The following CEP162 variants were observed in gnomAD, a reference collection of about 807,000 sequenced individuals.
The protein encoded by CEP162 is centrosomal protein of 162 kDa.
In CEP162, 141 loss-of-function variants were observed where a neutral mutation model predicts 169.2. That is an observed-to-expected ratio of 0.83 (90% CI 0.73 to 0.96). CEP162 has a LOEUF of 0.96. CEP162 is among the 40% of genes least tolerant of loss of function. The pLI, the probability that CEP162 is intolerant of heterozygous loss-of-function variation, is 0.00. For synonymous variants in CEP162, 540 were observed against 526.4 expected, an observed-to-expected ratio of 1.03 and a Z score of -0.35; for missense variants, 1,600 against 1,587.2, an observed-to-expected ratio of 1.01 and a Z score of -0.14.
chr6:84,142,310 C>T (rs1327940082), intron 25 of CEP162, among the ~76,000 whole-genome samples: 6 of 152,150 alleles, frequency 3.9e-5, no homozygotes, highest in Non-Finnish European at 7.4e-5. Flanking sequence ...TACAAATTAG[C>T]GAGTTTTATA....
In CEP162 at chr6:84,134,915, T is replaced by C. The variant is rs911331680; in HGVS notation, c.3871-8403A>G. Among the ~76,000 whole-genome samples, 4 of 73,992 alleles carry C rather than the reference T, an allele frequency of 5.4e-5. No individual in the cohort carries two copies. In the East Asian group the frequency reaches 1.9e-3, roughly 35 times the overall value. The allele number at this position is 73,992 out of a possible 152,430, so 48.5% of individuals were successfully genotyped here. A position where few individuals can be genotyped will look rare whatever the true frequency, so the allele number is the denominator to read the frequency against. On this transcript the variant is annotated intron_variant, in intron 25 of 26. Transcript: ENST00000403245. ...GATATATACTGTCATGAAAAGATCA[T>C]ATATACACACACACACACACACACA...
chr6:84,199,240 C>T (rs2099543418), intron 9 of CEP162, among the ~76,000 whole-genome samples: 2 of 151,996 alleles, frequency 1.3e-5, no homozygotes, highest in South Asian at 4.2e-4. Context: ...CACATGCTTA[C>T]ATCATGGTAG....
intron 7 of CEP162, among the ~76,000 whole-genome samples, chr6:84,203,473 T>C (rs963935648): frequency 5.3e-5 from 8 of 152,182 alleles, no homozygotes; most frequent in African/African-American, 1.9e-4. Context: ...TGAGACAGGG[T>C]CTCACTCATC....
intron 11 of CEP162, 115 bp downstream of exon 11, chr6:84,193,494 A>C (rs2099540763): frequency 7.5e-6 from 4 of 534,246 alleles, no homozygotes; most frequent in Admixed American, 3.6e-5. Context: ...GAGAGTTATG[A>C]CTCACAGGTA....
intron 8 of CEP162, 64 bp downstream of exon 8, chr6:84,201,673 T>G (rs892509975): frequency 1.0e-5 from 8 of 792,368 alleles, no homozygotes; most frequent in Non-Finnish European, 1.6e-5. Flanking sequence ...TCAGAATTAC[T>G]GAGATGAAAT....
At chr6:84,156,537 T>G (rs1371285132) in intron 21 of CEP162, among the ~76,000 whole-genome samples, 1 of 152,048 alleles carries the variant, frequency 6.6e-6, no homozygotes, top group Non-Finnish European at 1.5e-5. Context: ...ACTCCAGTCA[T>G]AAGGGTTATT....
At chr6:84,145,014 T>A in intron 25 of CEP162, among the ~76,000 whole-genome samples, 1 of 152,138 alleles carries the variant, frequency 6.6e-6, no homozygotes, top group Non-Finnish European at 1.5e-5. Context: ...TATCAAGGCT[T>A]TGATTGGAAT....
At chr6:84,189,267 G>A (rs774024963) in intron 11 of CEP162, among the ~76,000 whole-genome samples, 1 of 152,162 alleles carries the variant, frequency 6.6e-6, no homozygotes, top group African/African-American at 2.4e-5. Flanking sequence ...CCACTTTGGT[G>A]GTATTTGAGG....
chr6:84,130,688 G>T (rs1378242973), intron 25 of CEP162, among the ~76,000 whole-genome samples: 2 of 152,122 alleles, frequency 1.3e-5, no homozygotes, highest in Admixed American at 6.5e-5. Context: ...GTATTTCTGT[G>T]GGATCGGTGG....
intron 13 of CEP162, among the ~76,000 whole-genome samples, chr6:84,179,090 T>C (rs138605688): frequency 2.0e-5 from 3 of 152,340 alleles, no homozygotes; most frequent in African/African-American, 7.2e-5. Context: ...TTCCAAGTTT[T>C]TGCTATTGTG....
intron 9 of CEP162, among the ~76,000 whole-genome samples, chr6:84,196,580 C>T (rs59031127): frequency 0.036 from 5,536 of 151,726 alleles, 362 homozygotes; most frequent in African/African-American, 0.13. Context: ...GTGGAATTTT[C>T]AAAATTAGAG....
rs1280110690 is a variant in CEP162 at position 84,155,573 on chromosome 6, C to T, written c.2782-63G>A. 19 of 1,129,066 alleles carry T rather than the reference C, an allele frequency of 1.7e-5. No individual in the cohort carries two copies. In the East Asian group the frequency reaches 4.3e-4, roughly 25 times the overall value. 69.9% of individuals were successfully genotyped at this position (1,129,066 alleles called of 1,614,324 possible). On this transcript the variant is annotated intron_variant, in intron 21 of 26. Coordinates refer to ENST00000403245, the MANE Select transcript of CEP162 (RefSeq NM_014895.4). The stretch of plus-strand genomic sequence containing the variant: ...TTAATAAATGAATTCAGTAAAGTTT[C>T]AGGATACAATCTACAGAAATCTCTG...
intron 9 of CEP162, among the ~76,000 whole-genome samples, chr6:84,198,777 A>G (rs937684227): frequency 6.6e-6 from 1 of 152,152 alleles, no homozygotes; most frequent in African/African-American, 2.4e-5. Flanking sequence ...ACTATATATT[A>G]TCTCAGTTGA....
chr6:84,185,392 T>G lies in CEP162; in HGVS notation c.1458A>C (p.Val486=), dbSNP rs139828798. 43 of 1,613,466 alleles carry G rather than the reference T, an allele frequency of 2.7e-5. No individual in the cohort carries two copies. The African/African-American group carries it at 5.3e-4, about 20-fold the overall frequency. ...EEEGAVMGKQ[V]PYKKARSAPP... is the part of the protein sequence containing the mutation. The stretch of plus-strand genomic sequence containing the variant: ...GTGCACTTCTGGCCTTCTTGTATGG[T>G]ACCTGTTTACCCATTACAGCCCCTT... Residue 486 remains valine (V), a synonymous_variant, in exon 13 of 27, where the codon GTA becomes GTC. Coordinates refer to ENST00000403245, the MANE Select transcript of CEP162 (RefSeq NM_014895.4).
intron 12 of CEP162, 33 bp from the exon 13 acceptor site, chr6:84,185,481 T>G: frequency 6.5e-7 from 1 of 1,545,220 alleles, no homozygotes; most frequent in Non-Finnish European, 8.8e-7. Flanking sequence ...CTTTAGTACC[T>G]AAATAAACTT....
At chr6:84,184,805 C>T (rs1156557227) in intron 13 of CEP162, among the ~76,000 whole-genome samples, 2 of 151,828 alleles carry the variant, frequency 1.3e-5, no homozygotes, top group Non-Finnish European at 2.9e-5. Flanking sequence ...AATTTTATAT[C>T]TGACTGCCTC....
chr6:84,220,576 G>A (rs1256782958), intron 3 of CEP162, among the ~76,000 whole-genome samples: 1 of 152,178 alleles, frequency 6.6e-6, no homozygotes, highest in African/African-American at 2.4e-5. Context: ...AATGAGCTAT[G>A]ATTGTGTTAC....
chr6:84,136,733 A>G (rs2129189299), intron 25 of CEP162, among the ~76,000 whole-genome samples: 1 of 152,326 alleles, frequency 6.6e-6, no homozygotes, highest in South Asian at 2.1e-4. Flanking sequence ...AAAAAATGCT[A>G]TGAAGGTCTT....
intron 21 of CEP162, among the ~76,000 whole-genome samples, chr6:84,157,549 C>T (rs2099523720): frequency 6.6e-6 from 1 of 152,100 alleles, no homozygotes; most frequent in Non-Finnish European, 1.5e-5. Context: ...GTGGTACACA[C>T]CTGTGGTCCC....
Sources: allele counts gnomAD v4.1 joint callset (sites outside exome capture counted in the v4.1 genomes callset), GRCh38; gene constraint gnomAD v4.1.1; transcripts MANE v1.5; gene names NCBI Gene and HGNC (gene_info 2026-07-23, HGNC 2026-07-21).